The following SLC7A6 variants were observed in gnomAD, a reference collection of about 807,000 sequenced individuals.
The protein encoded by SLC7A6 is solute carrier family 7 member 6, also known as Y+L amino acid transporter 2.
Under a neutral mutation model 46.6 loss-of-function variants are expected in SLC7A6, and 29 were observed. The observed-to-expected ratio is 0.62, with a 90% CI of 0.46 to 0.85. The LOEUF (loss-of-function observed/expected upper bound fraction) is 0.85, where lower values mean the gene tolerates loss of function less well. SLC7A6 is among the 40% of genes least tolerant of loss of function. The probability of loss-of-function intolerance (pLI) is 0.00; values close to 1 mark genes in which losing one functional copy is unlikely to be tolerated. For missense variants in SLC7A6, 527 were observed against 647.6 expected (o/e 0.81, Z 2.02); for synonymous variants, 276 against 257.3 (o/e 1.07, Z -0.70).
At chr16:68,294,612 G>C in intron 7 of SLC7A6, 93 bp from the exon 8 acceptor site, 1 of 889,686 alleles carries the variant, frequency 1.1e-6, no homozygotes, top group Non-Finnish European at 1.9e-6. Flanking sequence ...TGCTTTCCTC[G>C]GGGGCTCTGA....
chr16:68,267,996 GAC>G (rs2042564676), intron 2 of SLC7A6, among the ~76,000 whole-genome samples: 1 of 152,208 alleles, frequency 6.6e-6, no homozygotes, highest in African/African-American at 2.4e-5. Context: ...TCCCTGGGAG[GAC>G]AAGGAAAGTC....
chr16:68,269,896 T>C (rs1028570668), intron 2 of SLC7A6, among the ~76,000 whole-genome samples: 2 of 152,108 alleles, frequency 1.3e-5, no homozygotes, highest in Non-Finnish European at 2.9e-5. Context: ...TCTGAGTAAA[T>C]AGCTGGGGCT....
In SLC7A6 at chr16:68,297,330, G is replaced by A. The variant is rs772329272; in HGVS notation, c.*2G>A. The A allele has an allele frequency of 5.6e-6, 9 of 1,613,650 alleles. No homozygotes were observed. The South Asian group carries it at 6.6e-5, about 12-fold the overall frequency. On this transcript the variant is annotated 3_prime_UTR_variant, in exon 11 of 11. Coordinates refer to ENST00000219343, the MANE Select transcript of SLC7A6 (RefSeq NM_003983.6). Reference sequence around the variant, plus strand: ...AAGGATGAGAGGAAAACTGACTAGAGGTCAGAGGTGGCTTTCTGAGGCCTG... The same window carrying A: ...AAGGATGAGAGGAAAACTGACTAGAAGTCAGAGGTGGCTTTCTGAGGCCTG...
Position 68,297,416 on chromosome 16 carries a change from T to C in SLC7A6, c.*88T>C. On this transcript the variant is annotated 3_prime_UTR_variant, in exon 11 of 11. Transcript: ENST00000219343. ...ACTCTGTGGGCCCAACTCTCCTGAATTAAAGGAGCCTTTTGACCCAATCAT... is the reference window on the plus strand; with the variant it reads ...ACTCTGTGGGCCCAACTCTCCTGAACTAAAGGAGCCTTTTGACCCAATCAT... 3.6e-6 allele frequency: 4 copies of C among 1,102,842 alleles called. No homozygotes were observed. The highest frequency in any genetic ancestry group is 5.4e-6 in the Non-Finnish European group (4 of 744,702). 68.3% of individuals were successfully genotyped at this position (1,102,842 alleles called of 1,614,324 possible).
chr16:68,274,825 A>G lies in SLC7A6; in HGVS notation c.99A>G (p.Gln33=). 1 of 1,614,136 alleles carries G rather than the reference A, an allele frequency of 6.2e-7. No homozygotes were observed. The highest frequency in any genetic ancestry group is 8.5e-7 in the Non-Finnish European group (1 of 1,180,030). ...AAGAAGATGTCAGCTCGCCACCTCA[A>G]AGGTCCTCCGAAACTATGCAGCTGA... ...QVEEDVSSPP[Q]RSSETMQLKK... Residue 33 remains glutamine (Q), a synonymous_variant, in exon 3 of 11, where the codon CAA becomes CAG. Transcript: ENST00000219343.
rs79083492 is a variant in SLC7A6 at position 68,301,140 on chromosome 16, C to T, written c.*3812C>T. 2,980 of 1,448,744 alleles carry T rather than the reference C, an allele frequency of 2.1e-3. 6 individuals are homozygous for T. Among genetic ancestry groups the T allele is most frequent in the Non-Finnish European group, 2.5e-3 (2,768 of 1,097,424 alleles). The allele number at this position is 1,448,744 out of a possible 1,614,324, so 89.7% of individuals were successfully genotyped here. On this transcript the variant is annotated 3_prime_UTR_variant, in exon 11 of 11. Coordinates refer to ENST00000219343, the MANE Select transcript of SLC7A6 (RefSeq NM_003983.6). ...AGTTTTCACTGTGGTGGGATGGTGC[C>T]GCCCGATATGCTTGATATGCTTTTC...
Position 68,283,712 on chromosome 16 carries a change from G to A in SLC7A6, c.524-4034G>A, listed in dbSNP as rs1207329780. The stretch of plus-strand genomic sequence containing the variant: ...CTCCTTTCTCAGCAATAAGCTCCCA[G>A]AGAGCCTTGAAGACCCTCACGTGGG... On this transcript the variant is annotated intron_variant, in intron 3 of 10. Coordinates refer to ENST00000219343, the MANE Select transcript of SLC7A6 (RefSeq NM_003983.6). Among the ~76,000 whole-genome samples the A allele has an allele frequency of 2.0e-5, 3 of 152,214 alleles. No homozygotes were observed. The East Asian group carries it at 5.8e-4, about 29-fold the overall frequency.
At chr16:68,279,328 T>G (rs2042786795) in intron 3 of SLC7A6, among the ~76,000 whole-genome samples, 1 of 152,142 alleles carries the variant, frequency 6.6e-6, no homozygotes, top group African/African-American at 2.4e-5. Flanking sequence ...GGTGACAGAA[T>G]GAGACTTTGT....
In SLC7A6 at chr16:68,301,641, T is replaced by C; in HGVS notation, c.*4313T>C. ...TGTCACTTCTCCCCTCCGTGGAGTA[T>C]TTTGTCACTTCTCCCCTCCGTATAG... On this transcript the variant is annotated 3_prime_UTR_variant, in exon 11 of 11. Transcript: ENST00000219343. The C allele has an allele frequency of 2.9e-6, 1 of 345,580 alleles. No individual in the cohort carries two copies. Among genetic ancestry groups the C allele is most frequent in the South Asian group, 6.5e-5 (1 of 15,330 alleles). The allele number at this position is 345,580 out of a possible 1,614,324, so 21.4% of individuals were successfully genotyped here.
intron 3 of SLC7A6, among the ~76,000 whole-genome samples, 164 bp downstream of exon 3, chr16:68,275,413 T>C (rs995980619): frequency 1.6e-4 from 25 of 151,812 alleles, no homozygotes; most frequent in African/African-American, 5.1e-4. Flanking sequence ...CTGACCAACA[T>C]GGAGAAACCC....
rs2043168168 is a variant in SLC7A6, at chr16:68,296,457, G to A, written c.1213G>A (p.Val405Ile). The A allele has an allele frequency of 5.0e-6, 8 of 1,614,026 alleles. No homozygotes were observed. The highest frequency in any genetic ancestry group is 2.7e-5 in the African/African-American group (2 of 74,918). The change falls in exon 9 of 11, where the codon GTT becomes ATT. Residue 405 changes from valine to isoleucine, a missense_variant. Val to Ile is a conservative substitution (Grantham distance 29). Transcript: ENST00000219343. ...CTACTGGTTCTTCGTGGGCCTGTCT[G>A]TTGTTGGACAGCTCTACCTCCGCTG... The part of the protein sequence containing the change: ...FSYWFFVGLS[V>I]VGQLYLRWKE...
intron 3 of SLC7A6, among the ~76,000 whole-genome samples, chr16:68,278,521 A>C (rs1299757360): frequency 6.6e-6 from 1 of 150,880 alleles, no homozygotes; most frequent in Non-Finnish European, 1.5e-5. Context: ...ACTCTTAACG[A>C]GCATGCTGCC....
intron 3 of SLC7A6, among the ~76,000 whole-genome samples, chr16:68,278,275 T>C (rs1056310032): frequency 6.6e-5 from 10 of 152,116 alleles, no homozygotes; most frequent in African/African-American, 2.2e-4. Flanking sequence ...TTTGAGGTCA[T>C]CTTTTCTTGT....
intron 4 of SLC7A6, among the ~76,000 whole-genome samples, chr16:68,289,361 G>T (rs1393573055): frequency 6.6e-6 from 1 of 152,220 alleles, no homozygotes; most frequent in East Asian, 1.9e-4. Context: ...GGTCTAGCCT[G>T]TGTACTTATA....
At chr16:68,271,188 T>A (rs2042618043) in intron 2 of SLC7A6, among the ~76,000 whole-genome samples, 1 of 152,052 alleles carries the variant, frequency 6.6e-6, no homozygotes, top group African/African-American at 2.4e-5. Flanking sequence ...AGACGGAACC[T>A]CCCTATGTTG....
chr16:68,273,306 A>G (rs938488953), intron 2 of SLC7A6, among the ~76,000 whole-genome samples: 2 of 152,132 alleles, frequency 1.3e-5, no homozygotes, highest in Admixed American at 1.3e-4. Context: ...TTCTGGAAAG[A>G]TGATGTGCTT....
intron 5 of SLC7A6, chr16:68,290,956 G>A: frequency 1.9e-6 from 1 of 519,836 alleles, no homozygotes; most frequent in Admixed American, 3.3e-5. Flanking sequence ...GATGCAGGAG[G>A]ATTATGAAAC....
intron 3 of SLC7A6, chr16:68,284,298 A>C (rs2042884410): frequency 6.6e-6 from 1 of 152,200 alleles, no homozygotes; most frequent in Non-Finnish European, 1.5e-5. Flanking sequence ...ATTTTAGTAT[A>C]TGTGCTGCTG....
chr16:68,278,750 T>C (rs1324016019), intron 3 of SLC7A6, among the ~76,000 whole-genome samples: 3 of 152,240 alleles, frequency 2.0e-5, no homozygotes, highest in East Asian at 3.8e-4. Flanking sequence ...TTCGCTATCT[T>C]TTCCCCACAT....
Sources: gnomAD v4.1 joint callset for allele counts (sites outside exome capture counted in the v4.1 genomes callset) on GRCh38, gnomAD v4.1.1 for gene constraint, MANE v1.5 for transcripts, NCBI Gene and HGNC (gene_info 2026-07-23, HGNC 2026-07-21) for gene names.